Variants in TMEM255B observed in about 807,000 individuals in gnomAD.
TMEM255B encodes the protein transmembrane protein 255B.
Under a neutral mutation model 34.5 loss-of-function variants are expected in TMEM255B, and 35 were observed. The ratio of observed to expected loss-of-function variants is 1.01; its 90% CI spans 0.77 to 1.34. The LOEUF (loss-of-function observed/expected upper bound fraction) is 1.34, where lower values mean the gene tolerates loss of function less well. Ranked by LOEUF, TMEM255B falls within the 40% of genes most tolerant of loss-of-function variation. TMEM255B has a pLI of 0.00. For synonymous variants in TMEM255B, 206 were observed against 201.2 expected, an observed-to-expected ratio of 1.02 and a Z score of -0.20; for missense variants, 432 against 433.2, an observed-to-expected ratio of 1.00 and a Z score of 0.02.
chr13:113,801,890 G>A, intron 7 of TMEM255B, 78 bp downstream of exon 7: 2 of 1,440,906 alleles, frequency 1.4e-6, no homozygotes, highest in South Asian at 1.4e-5. Flanking sequence ...TGGGCTGGGG[G>A]GCCTCCAGCC....
At chr13:113,801,839 T>C in intron 7 of TMEM255B, 27 bp downstream of exon 7, 1 of 1,559,022 alleles carries the variant, frequency 6.4e-7, no homozygotes, top group Non-Finnish European at 8.7e-7. Flanking sequence ...GGACCCCCGC[T>C]GCTCACTGGG....
At chr13:113,779,056 CAG>C (rs1444549965) in intron 3 of TMEM255B, among the ~76,000 whole-genome samples, 2 of 152,092 alleles carry the variant, frequency 1.3e-5, no homozygotes, top group African/African-American at 4.8e-5. Flanking sequence ...GTCGCAGGTT[CAG>C]AGTGTTTTTG....
chr13:113,800,081 TA>T, intron 5 of TMEM255B: 1 of 1,164,376 alleles, frequency 8.6e-7, no homozygotes, highest in Non-Finnish European at 1.1e-6. Context: ...TGTGTGTGTT[TA>T]TGTGTGTGTG....
intron 8 of TMEM255B, among the ~76,000 whole-genome samples, chr13:113,808,481 G>A (rs1309852616): frequency 6.6e-6 from 1 of 152,146 alleles, no homozygotes; most frequent in Non-Finnish European, 1.5e-5. Context: ...TGTGGTTCCT[G>A]GGGGTTTATT....
Position 113,812,928 on chromosome 13 carries a change from T to TGGGTCACAGGCCCCGGGTGGGTCACAGGC in TMEM255B, c.*1025_*1026insGGGTCACAGGCCCCGGGTGGGTCACAGGC, listed in dbSNP as rs1566341899. On this transcript the variant is annotated 3_prime_UTR_variant, in exon 9 of 9. Transcript: ENST00000375353. ...TCACAGGCCCCGGGTGAGTCACGGG[T>TGGGTCACAGGCCCCGGGTGGGTCACAGGC]CCCGGGTGGGTCACGGGTCCCGGGT... 1.8e-5 allele frequency: 2 copies of TGGGTCACAGGCCCCGGGTGGGTCACAGGC among 109,482 alleles called. No homozygotes were observed. Among genetic ancestry groups the TGGGTCACAGGCCCCGGGTGGGTCACAGGC allele is most frequent in the Admixed American group, 1.9e-4 (2 of 10,572 alleles). 6.8% of individuals were successfully genotyped at this position (109,482 alleles called of 1,614,324 possible).
chr13:113,788,598 C>T (rs1464761497), intron 3 of TMEM255B, among the ~76,000 whole-genome samples: 6 of 152,080 alleles, frequency 3.9e-5, no homozygotes, highest in Admixed American at 2.0e-4. Flanking sequence ...CCATCTTAGC[C>T]GTCATCGTGT....
chr13:113,800,831 C>G lies in TMEM255B; in HGVS notation c.428C>G (p.Thr143Ser), dbSNP rs780977012. 6.2e-7 allele frequency: 1 copy of G among 1,606,040 alleles called. No homozygotes were observed. The highest frequency in any genetic ancestry group is 1.1e-5 in the South Asian group (1 of 89,410). The change falls in exon 6 of 9, where the codon ACC (threonine) becomes AGC (serine). Residue 143 changes from threonine to serine, a missense_variant. Thr to Ser is a moderately conservative substitution (Grantham distance 58). Transcript: ENST00000375353. ...YLYDVYQTEVTCHSLDGKCQL... is the reference protein window; with the variant it reads ...YLYDVYQTEVSCHSLDGKCQL... The stretch of plus-strand genomic sequence containing the variant: ...GACAAGGCCTCTCTGCCCCAGGTCA[C>G]CTGTCACTCCCTGGACGGCAAGTGC...
Position 113,811,899 on chromosome 13 carries a change from C to T in TMEM255B, c.977C>T (p.Pro326Leu), listed in dbSNP as rs1422121455. 6.2e-7 allele frequency: 1 copy of T among 1,604,140 alleles called. No individual in the cohort carries two copies. ...PPGEKPPPYA[P>L] ...GGGGAGAAGCCACCCCCCTACGCAC[C>T]CTGATAGAGGCGTGGAGTAAAAGAT... Residue 326 changes from proline to leucine, a missense_variant, in exon 9 of 9, where the codon CCC becomes CTC. Transcript: ENST00000375353.
intron 3 of TMEM255B, among the ~76,000 whole-genome samples, chr13:113,777,430 G>A (rs1426219504): frequency 6.6e-6 from 1 of 152,184 alleles, no homozygotes; most frequent in Non-Finnish European, 1.5e-5. Flanking sequence ...CCAGTACAGG[G>A]CTGGACAGTG....
At chr13:113,807,765 C>T (rs1299527712) in intron 8 of TMEM255B, among the ~76,000 whole-genome samples, 1 of 137,198 alleles carries the variant, frequency 7.3e-6, no homozygotes, top group Non-Finnish European at 1.5e-5. Context: ...CTCCCCGTCA[C>T]ACGCAGGCTT....
At position 113,806,219 on chromosome 13, in the gene TMEM255B, T is replaced by G. The variant is rs1017838469; in HGVS notation, c.813+1191T>G. The stretch of plus-strand genomic sequence containing the variant: ...AGAGCCACGACCTTCTCAGCTCACC[T>G]GGGGACCTGCACCAGGGACCCCGAG... On this transcript the variant is annotated intron_variant, in intron 8 of 8. Coordinates refer to ENST00000375353, the MANE Select transcript of TMEM255B (RefSeq NM_182614.4). The surrounding 1 kb of genome is among the most constrained non-coding windows in gnomAD (Gnocchi z 4.2). Among the ~76,000 whole-genome samples the G allele has an allele frequency of 2.0e-5, 3 of 152,110 alleles. No individual in the cohort carries two copies. The highest frequency in any genetic ancestry group is 4.4e-5 in the Non-Finnish European group (3 of 68,004).
chr13:113,774,469 A>G (rs970568264), intron 3 of TMEM255B, among the ~76,000 whole-genome samples: 2 of 152,292 alleles, frequency 1.3e-5, no homozygotes, highest in African/African-American at 4.8e-5. Context: ...TTAACTGGCA[A>G]TTCTCCTGTG....
Position 113,804,866 on chromosome 13 carries a change from C to G in TMEM255B, c.670-19C>G. On this transcript the variant is annotated intron_variant, in intron 7 of 8. Transcript: ENST00000375353. ...CACTAGGGGGTACACGCCGACCACCCGTCTCCTCTCCATGGCAGGTGCCTC... is the reference window on the plus strand; with the variant it reads ...CACTAGGGGGTACACGCCGACCACCGGTCTCCTCTCCATGGCAGGTGCCTC... 8 of 1,587,836 alleles carry G rather than the reference C, an allele frequency of 5.0e-6. No individual in the cohort carries two copies. The highest frequency in any genetic ancestry group is 6.8e-6 in the Non-Finnish European group (8 of 1,172,906).
chr13:113,811,872 CG>C lies in TMEM255B; in HGVS notation c.955del (p.Glu319ArgfsTer14). 6.2e-7 allele frequency: 1 copy of C among 1,613,374 alleles called. No individual in the cohort carries two copies. Among genetic ancestry groups the C allele is most frequent in the Non-Finnish European group, 8.5e-7 (1 of 1,179,550 alleles). Reference protein sequence around the residue: ...PPCYAPTYFPPGEKPPPYAP With the variant: ...PPCYAPTYFPXGEKPPPYAP ...TGCTACGCACCCACCTACTTTCCCCCGGGGGAGAAGCCACCCCCCTACGCAC... is the reference window on the plus strand; with the variant it reads ...TGCTACGCACCCACCTACTTTCCCCCGGGGAGAAGCCACCCCCCTACGCAC... On this transcript the variant is annotated frameshift_variant, in exon 9 of 9. Coordinates refer to ENST00000375353, the MANE Select transcript of TMEM255B (RefSeq NM_182614.4). LOFTEE classifies it high-confidence loss of function.
intron 1 of TMEM255B, among the ~76,000 whole-genome samples, chr13:113,762,298 A>C (rs948376544): frequency 3.3e-5 from 5 of 151,968 alleles, no homozygotes; most frequent in Admixed American, 2.6e-4. Flanking sequence ...AATGTGTTTA[A>C]GGTTGGGAGT....
chr13:113,778,861 C>A (rs1031598860), intron 3 of TMEM255B, among the ~76,000 whole-genome samples: 2 of 152,208 alleles, frequency 1.3e-5, no homozygotes, highest in African/African-American at 4.8e-5. Context: ...GAGAAACACC[C>A]AGAAATGCTC....
rs116134989 is a variant in TMEM255B at position 113,799,973 on chromosome 13, C to T, written c.423+554C>T. ...TAAACGCAGCCTCTCATCCTCAGCA[C>T]GCGTGTCAGAGGAGGAGGAGCTGGA... On this transcript the variant is annotated intron_variant, in intron 5 of 8. Transcript: ENST00000375353. 1.8e-3 allele frequency: 2,336 copies of T among 1,273,024 alleles called. 36 individuals are homozygous for T. The African/African-American group carries it at 0.033, about 18-fold the overall frequency. 78.9% of individuals were successfully genotyped at this position (1,273,024 alleles called of 1,614,324 possible).
Position 113,769,020 on chromosome 13 carries a change from T to C in TMEM255B, c.190-78T>C. The C allele has an allele frequency of 6.5e-7, 1 of 1,529,992 alleles. No homozygotes were observed. Among genetic ancestry groups the C allele is most frequent in the South Asian group, 1.1e-5 (1 of 88,658 alleles). 94.8% of individuals were successfully genotyped at this position (1,529,992 alleles called of 1,614,324 possible). ...GGATAAAATGCCTTTGAGGGCGGGA[T>C]TATTTGCTTTAAATGTCAGTGTTAA... On this transcript the variant is annotated intron_variant, in intron 2 of 8. Transcript: ENST00000375353. This position sits in a 1 kb window ranked among gnomAD's most constrained non-coding sequence, Gnocchi z 4.2.
chr13:113,811,889 C>A lies in TMEM255B; in HGVS notation c.967C>A (p.Pro323Thr). Reference protein sequence around the residue: ...TYFPPGEKPPPYAP With the variant: ...TYFPPGEKPPTYAP ...CTTTCCCCCGGGGGAGAAGCCACCC[C>A]CCTACGCACCCTGATAGAGGCGTGG... Residue 323 changes from proline (P) to threonine (T), a missense_variant, in exon 9 of 9, where the codon CCC becomes ACC. Transcript: ENST00000375353. 1 of 1,610,110 alleles carries A rather than the reference C, an allele frequency of 6.2e-7. No homozygotes were observed. The highest frequency in any genetic ancestry group is 1.1e-5 in the South Asian group (1 of 90,626).
Sources: allele counts gnomAD v4.1 joint callset (sites outside exome capture counted in the v4.1 genomes callset), GRCh38; gene constraint gnomAD v4.1.1; non-coding constraint Gnocchi (gnomAD v3.1); transcripts MANE v1.5; gene names NCBI Gene and HGNC (gene_info 2026-07-23, HGNC 2026-07-21).